Variants in STAT5A observed in about 807,000 individuals in gnomAD.
The protein encoded by STAT5A is signal transducer and activator of transcription 5A, also known as epididymis secretory sperm binding protein.
STAT5A carries 26 observed loss-of-function variants against 100.2 expected under a neutral mutation model. The ratio of observed to expected loss-of-function variants is 0.26; its 90% confidence interval spans 0.19 to 0.36. The LOEUF (loss-of-function observed/expected upper bound fraction) is 0.36. STAT5A is among the 10% of genes least tolerant of loss of function. STAT5A has a pLI of 1.00. For synonymous variants in STAT5A, 330 were observed against 424.3 expected, an observed-to-expected ratio of 0.78 and a Z score of 2.73; for missense variants, 634 against 1,027.5, an observed-to-expected ratio of 0.62 and a Z score of 5.24.
chr17:42,302,535 G>C (rs1483668434), intron 9 of STAT5A, among the ~76,000 whole-genome samples: 1 of 152,212 alleles, frequency 6.6e-6, no homozygotes, highest in Non-Finnish European at 1.5e-5. Context: ...TGGAGAAGTA[G>C]TGTCCAGTGT....
intron 3 of STAT5A, 117 bp from the exon 4 acceptor site, chr17:42,291,855 A>G: frequency 9.8e-7 from 1 of 1,017,596 alleles, no homozygotes; most frequent in Non-Finnish European, 1.5e-6. Flanking sequence ...ATAGTTCCTG[A>G]GGCTCCCTGG....
chr17:42,289,718 G>T, intron 2 of STAT5A, 148 bp from the exon 3 acceptor site: 27 of 1,375,908 alleles, frequency 2.0e-5, no homozygotes, highest in Non-Finnish European at 2.5e-5. Flanking sequence ...TTTTAGACTC[G>T]GATGTCTGTG....
Position 42,288,778 on chromosome 17 carries a change from G to C in STAT5A, c.-11+180G>C, listed in dbSNP as rs1484848743. 6.6e-6 allele frequency among the ~76,000 whole-genome samples: 1 copy of C among 152,214 alleles called. No homozygotes were observed. Among genetic ancestry groups the C allele is most frequent in the Non-Finnish European group, 1.5e-5 (1 of 68,024 alleles). The stretch of plus-strand genomic sequence containing the variant: ...CGGGGGGACGTGGGGACAGGGGTCG[G>C]GGATGAAAGGCAGAGGCCAGGGAGG... On this transcript the variant is annotated intron_variant, in intron 1 of 18. Transcript: ENST00000590949. The surrounding 1 kb of genome is among the most constrained non-coding windows in gnomAD (Gnocchi z 4.8).
In STAT5A at chr17:42,304,440, G is replaced by C. The variant is rs367668361; in HGVS notation, c.1257+11G>C. On this transcript the variant is annotated intron_variant, in intron 10 of 18. Coordinates refer to ENST00000590949, the MANE Select transcript of STAT5A (RefSeq NM_001288718.2). This position sits in a 1 kb window ranked among gnomAD's most constrained non-coding sequence, Gnocchi z 4.8. The stretch of plus-strand genomic sequence containing the variant: ...CACTTCAGGAACATGGTGAGGACGG[G>C]GCCCACCCTCGGAGGGCAGGTCTGC... 3.1e-6 allele frequency: 5 copies of C among 1,614,102 alleles called. No individual in the cohort carries two copies. In the African/African-American group the frequency reaches 6.7e-5, roughly 22 times the overall value.
In STAT5A at chr17:42,310,531, TGGA is replaced by T; in HGVS notation, c.2249_2251del (p.Gly750del). The T allele has an allele frequency of 6.2e-7, 1 of 1,614,180 alleles. No individual in the cohort carries two copies. The highest frequency in any genetic ancestry group is 8.5e-7 in the Non-Finnish European group (1 of 1,180,016). ...GCCCTGACCATGTACTCGATCAGGA[TGGA>T]GAATTCGACCTGGATGAGACCATGG... On this transcript the variant is annotated inframe_deletion, in exon 19 of 19. Coordinates refer to ENST00000590949, the MANE Select transcript of STAT5A (RefSeq NM_001288718.2).
chr17:42,304,651 A>G lies in STAT5A; in HGVS notation c.1379A>G (p.Lys460Arg). Residue 460 changes from lysine (K) to arginine (R), a missense_variant and splice_region_variant, in exon 11 of 19, where the codon AAG becomes AGG. By Grantham distance (26) the Lys-to-Arg change is conservative (BLOSUM62 2). Transcript: ENST00000590949. This position sits in a 1 kb window ranked among gnomAD's most constrained non-coding sequence, Gnocchi z 4.8. ...AGCAATGAGCTTGTGTTCCAGGTGA[A>G]GGTGAGACCCCCAGCCCTCCTGCCC... ...VGSNELVFQVKTLSLPVVVIV... is the reference protein window; with the variant it reads ...VGSNELVFQVRTLSLPVVVIV... The G allele has an allele frequency of 6.2e-7, 1 of 1,614,116 alleles. No homozygotes were observed. Among genetic ancestry groups the G allele is most frequent in the Non-Finnish European group, 8.5e-7 (1 of 1,180,004 alleles).
rs1598368230 is a variant in STAT5A at position 42,309,027 on chromosome 17, C to T, written c.2063-20C>T. The T allele has an allele frequency of 6.2e-7, 1 of 1,614,186 alleles. No individual in the cohort carries two copies. The highest frequency in any genetic ancestry group is 1.1e-5 in the South Asian group (1 of 91,084). On this transcript the variant is annotated intron_variant, in intron 16 of 18. Transcript: ENST00000590949. ...AGTTCCCAGAGACTTTGGTTCTCACCACTGTTCTTCCCTTGACAGCTAAAG... is the reference window on the plus strand; with the variant it reads ...AGTTCCCAGAGACTTTGGTTCTCACTACTGTTCTTCCCTTGACAGCTAAAG...
Position 42,292,637 on chromosome 17 carries a change from T to TC in STAT5A, c.375+583dup, listed in dbSNP as rs1029431406. 8.8e-5 allele frequency among the ~76,000 whole-genome samples: 13 copies of TC among 147,850 alleles called. No homozygotes were observed. The South Asian group carries it at 1.3e-3, about 15-fold the overall frequency. ...ACCACGCTTGGCGCCTACTGTTTTTTCCCCCCCGAGATGCAGTCTTGCTCT... is the reference window on the plus strand; with the variant it reads ...ACCACGCTTGGCGCCTACTGTTTTTTCCCCCCCCGAGATGCAGTCTTGCTCT... On this transcript the variant is annotated intron_variant, in intron 4 of 18. Coordinates refer to ENST00000590949, the MANE Select transcript of STAT5A (RefSeq NM_001288718.2).
chr17:42,301,129 C>A, intron 8 of STAT5A, 146 bp from the exon 9 acceptor site: 2 of 1,410,312 alleles, frequency 1.4e-6, no homozygotes, highest in Non-Finnish European at 9.7e-7. Context: ...TGGACTCTCA[C>A]AGCTTCCCCG....
Position 42,304,743 on chromosome 17 carries a change from G to A in STAT5A, c.1380+91G>A. ...AGGACTCCTGGCAGCAATGCCATCG[G>A]ACAGCCTGCTTTGACTCTGTGGGTC... On this transcript the variant is annotated intron_variant, in intron 11 of 18. Transcript: ENST00000590949. This position sits in a 1 kb window ranked among gnomAD's most constrained non-coding sequence, Gnocchi z 4.8. 2 of 1,572,038 alleles carry A rather than the reference G, an allele frequency of 1.3e-6. No individual in the cohort carries two copies. Among genetic ancestry groups the A allele is most frequent in the East Asian group, 2.2e-5 (1 of 44,662 alleles).
chr17:42,296,971 C>CTGGAGTGCACTGCACT (rs1452828780), intron 5 of STAT5A, among the ~76,000 whole-genome samples: 3 of 152,194 alleles, frequency 2.0e-5, no homozygotes, highest in African/African-American at 7.2e-5. Flanking sequence ...TTTATTATTG[C>CTGGAGTGCACTGCACT]CCAGGCTGGA....
chr17:42,301,587 C>A, intron 9 of STAT5A, 133 bp downstream of exon 9: 1 of 1,341,712 alleles, frequency 7.5e-7, no homozygotes, highest in Non-Finnish European at 1.0e-6. Flanking sequence ...AACTCCTGGA[C>A]TCATGCAGTC....
At chr17:42,301,186 A>T in intron 8 of STAT5A, 89 bp from the exon 9 acceptor site, 4 of 1,551,578 alleles carry the variant, frequency 2.6e-6, no homozygotes, top group Non-Finnish European at 3.5e-6. Flanking sequence ...GCCCCATGGG[A>T]GGCAGCCCCA....
intron 9 of STAT5A, among the ~76,000 whole-genome samples, chr17:42,301,688 G>T (rs961768818): frequency 1.3e-5 from 2 of 152,200 alleles, no homozygotes; most frequent in African/African-American, 2.4e-5. Flanking sequence ...GGATGGTGTG[G>T]CTGCCGGAGA....
intron 1 of STAT5A, chr17:42,289,172 C>T (rs1233816289): frequency 7.1e-6 from 3 of 423,152 alleles, no homozygotes; most frequent in Non-Finnish European, 1.3e-5. Context: ...GGGGAGGGCA[C>T]CTGCCTCTGC....
chr17:42,307,034 C>T (rs1179115528), intron 13 of STAT5A, among the ~76,000 whole-genome samples: 5 of 152,042 alleles, frequency 3.3e-5, no homozygotes, highest in African/African-American at 1.2e-4. Context: ...GGCTCTCCTT[C>T]TGCCTCTCTC....
rs2080873318 is a variant in STAT5A, at chr17:42,291,992, C to T, written c.306C>T (p.Pro102=). 6.2e-7 allele frequency: 1 copy of T among 1,613,806 alleles called. No individual in the cohort carries two copies. Residue 102 remains proline, a synonymous_variant, in exon 4 of 19, where the codon CCC becomes CCT. Transcript: ENST00000590949. ...TTCAGAAAACATATGACCGCTGCCC[C>T]CTGGAGCTGGTCCGCTGCATCCGGC... ...TQLQKTYDRC[P]LELVRCIRHI...
Position 42,309,469 on chromosome 17 carries a change from A to T in STAT5A, c.2207A>T (p.Asn736Ile). The T allele has an allele frequency of 6.2e-7, 1 of 1,613,840 alleles. No homozygotes were observed. Among genetic ancestry groups the T allele is most frequent in the East Asian group, 2.2e-5 (1 of 44,870 alleles). The part of the protein sequence containing the change: ...SPAVCPQAPY[N>I]MYPQNPDHVL... The stretch of plus-strand genomic sequence containing the variant: ...GCTGTGTGCCCCCAGGCTCCCTATA[A>T]CATGTACCCACAGAAGTAGGTGGTG... Residue 736 changes from asparagine (N) to isoleucine (I), a missense_variant, in exon 18 of 19, where the codon AAC becomes ATC. By Grantham distance (149) the Asn-to-Ile change is moderately radical. Coordinates refer to ENST00000590949, the MANE Select transcript of STAT5A (RefSeq NM_001288718.2).
chr17:42,291,223 A>G (rs1366302727), intron 3 of STAT5A, among the ~76,000 whole-genome samples: 1 of 152,190 alleles, frequency 6.6e-6, no homozygotes, highest in East Asian at 1.9e-4. Context: ...GCCATTGCTG[A>G]TCTGACAGGA....
Sources: allele counts gnomAD v4.1 joint callset (sites outside exome capture counted in the v4.1 genomes callset), GRCh38; gene constraint gnomAD v4.1.1; non-coding constraint Gnocchi (gnomAD v3.1); transcripts MANE v1.5; gene names NCBI Gene and HGNC (gene_info 2026-07-23, HGNC 2026-07-21).